CCDC112: variants seen among roughly 807,000 people sequenced by gnomAD.
CCDC112 encodes coiled-coil domain-containing protein 112.
A neutral mutation model predicts 66.3 loss-of-function variants in CCDC112; 40 were observed. The ratio of observed to expected loss-of-function variants is 0.60; its 90% confidence interval spans 0.47 to 0.79. CCDC112 has a LOEUF of 0.79. Ranked by LOEUF, CCDC112 falls within the 30% of genes least tolerant of loss-of-function variation. The pLI is 0.00. For missense variants in CCDC112, 659 were observed against 603.8 expected (o/e 1.09, Z -0.96); for synonymous variants, 214 against 197.2 (o/e 1.09, Z -0.71).
chr5:115,267,816 T>C lies in CCDC112; in HGVS notation c.*60A>G, dbSNP rs1240962330. 10 of 1,301,082 alleles carry C rather than the reference T, an allele frequency of 7.7e-6. No individual in the cohort carries two copies. The East Asian group carries it at 2.3e-4, about 30-fold the overall frequency. The allele number at this position is 1,301,082 out of a possible 1,614,324, so 80.6% of individuals were successfully genotyped here. A position where few individuals can be genotyped will look rare whatever the true frequency, so the allele number is the denominator to read the frequency against. ...ATTTAAAGAATGTGGTTAGTCACTCTCTCCCTGGTATAACTTAGTATGTTA... is the reference window on the plus strand; with the variant it reads ...ATTTAAAGAATGTGGTTAGTCACTCCCTCCCTGGTATAACTTAGTATGTTA... On this transcript the variant is annotated 3_prime_UTR_variant, in exon 10 of 10. Transcript: ENST00000379611.
chr5:115,287,991 T>A (rs544868913), intron 1 of CCDC112, among the ~76,000 whole-genome samples: 3 of 151,786 alleles, frequency 2.0e-5, no homozygotes, highest in African/African-American at 7.3e-5. Flanking sequence ...CCTTTTTTTT[T>A]CCCCCCGAGA....
chr5:115,281,803 A>G (rs1401783591), intron 2 of CCDC112, among the ~76,000 whole-genome samples: 1 of 152,252 alleles, frequency 6.6e-6, no homozygotes, highest in Non-Finnish European at 1.5e-5. Context: ...AATTAAAACT[A>G]TATCACAGTA....
intron 1 of CCDC112, among the ~76,000 whole-genome samples, chr5:115,290,441 T>C (rs1749873871): frequency 6.6e-6 from 1 of 152,236 alleles, no homozygotes; most frequent in Non-Finnish European, 1.5e-5. Context: ...TTTTTCAAGA[T>C]TGTTTTGGCT....
At chr5:115,292,349 C>CT (rs1273500588) in intron 1 of CCDC112, among the ~76,000 whole-genome samples, 12 of 150,060 alleles carry the variant, frequency 8.0e-5, no homozygotes, top group African/African-American at 2.9e-4. Flanking sequence ...CTACTTGATT[C>CT]TTTTTTAAAT....
intron 1 of CCDC112, among the ~76,000 whole-genome samples, chr5:115,295,282 C>T (rs1222032278): frequency 3.9e-5 from 6 of 152,168 alleles, no homozygotes; most frequent in Non-Finnish European, 4.4e-5. Flanking sequence ...GAAGACAGAA[C>T]ATTGCTACAA....
intron 1 of CCDC112, chr5:115,296,164 C>A (rs1750147088): frequency 2.4e-6 from 3 of 1,241,164 alleles, no homozygotes; most frequent in Non-Finnish European, 3.0e-6. Context: ...TCGCCGACAG[C>A]ATATGTTCTT....
intron 6 of CCDC112, among the ~76,000 whole-genome samples, chr5:115,273,849 T>C (rs1291834726): frequency 1.3e-5 from 2 of 152,184 alleles, no homozygotes; most frequent in Non-Finnish European, 2.9e-5. Context: ...GTTTTCAGCA[T>C]TCTGGGGAAA....
chr5:115,279,968 C>T lies in CCDC112; in HGVS notation c.240-200G>A, dbSNP rs1256160292. ...TAGAAGAGTTAATTTCAATCAAACA[C>T]AACTATAATTTGAACTGCTATGTAA... On this transcript the variant is annotated intron_variant, in intron 2 of 9. Coordinates refer to ENST00000379611, the MANE Select transcript of CCDC112 (RefSeq NM_001040440.3). 2.0e-5 allele frequency among the ~76,000 whole-genome samples: 3 copies of T among 152,184 alleles called. 1 individual carries two copies. The highest frequency in any genetic ancestry group is 6.8e-3 in the Middle Eastern group (2 of 294).
Position 115,271,299 on chromosome 5 carries a change from T to C in CCDC112, c.1246A>G (p.Arg416Gly). The C allele has an allele frequency of 4.3e-6, 7 of 1,611,750 alleles. No individual in the cohort carries two copies. The highest frequency in any genetic ancestry group is 5.9e-6 in the Non-Finnish European group (7 of 1,179,576). The stretch of plus-strand genomic sequence containing the variant: ...TTTTCCCTTATCTCCTTTTCAAGCC[T>C]CAAAAATTCTTCCTGTTCTTTCTTC... ...QQKKEQEEFL[R>G]LEKEIREKAE... Residue 416 changes from arginine (R) to glycine (G), a missense_variant, in exon 7 of 10, where the codon AGG becomes GGG. Coordinates refer to ENST00000379611, the MANE Select transcript of CCDC112 (RefSeq NM_001040440.3).
chr5:115,287,058 A>G (rs1320170518), intron 1 of CCDC112, among the ~76,000 whole-genome samples: 1 of 152,148 alleles, frequency 6.6e-6, no homozygotes, highest in Non-Finnish European at 1.5e-5. Context: ...CTTTCTTGAT[A>G]ATGCCTTCGA....
At chr5:115,279,120 C>T (rs1749332478) in intron 3 of CCDC112, among the ~76,000 whole-genome samples, 1 of 152,130 alleles carries the variant, frequency 6.6e-6, no homozygotes, top group South Asian at 2.1e-4. Flanking sequence ...TATATTATCT[C>T]ATCAGATGCA....
intron 7 of CCDC112, 109 bp downstream of exon 7, chr5:115,271,104 G>C: frequency 1.0e-6 from 1 of 957,088 alleles, no homozygotes; most frequent in Non-Finnish European, 1.6e-6. Flanking sequence ...GTATACTAAT[G>C]CTATACACAG....
chr5:115,279,730 TA>T lies in CCDC112; in HGVS notation c.277del (p.Tyr93ThrfsTer14). ...AATTCTGAAGTCACTTTTTTGGTTG[TA>T]GAAATGACTGTGTTTATCTTTTTCC... ...NMEKDKHSHF[Y>X]NQKSDFRIEH... On this transcript the variant is annotated frameshift_variant, in exon 3 of 10. Transcript: ENST00000379611. LOFTEE classifies it high-confidence loss of function. 2 of 1,559,534 alleles carry T rather than the reference TA, an allele frequency of 1.3e-6. No individual in the cohort carries two copies. The highest frequency in any genetic ancestry group is 1.8e-6 in the Non-Finnish European group (2 of 1,131,448).
chr5:115,291,116 G>T (rs1045174045), intron 1 of CCDC112, among the ~76,000 whole-genome samples: 1 of 152,032 alleles, frequency 6.6e-6, no homozygotes, highest in African/African-American at 2.4e-5. Flanking sequence ...ACTTAATGAT[G>T]CCTCTATCAG....
At position 115,267,427 on chromosome 5, in the gene CCDC112, A is replaced by G. The variant is rs934874331; in HGVS notation, c.*449T>C. ...AAACTGCCAATTTGTTAAACATAGA[A>G]AAAGTACTAACATTTCGTAACTCTA... On this transcript the variant is annotated 3_prime_UTR_variant, in exon 10 of 10. Coordinates refer to ENST00000379611, the MANE Select transcript of CCDC112 (RefSeq NM_001040440.3). The G allele has an allele frequency of 2.5e-5, 4 of 157,370 alleles. No individual in the cohort carries two copies. In the South Asian group the frequency reaches 7.7e-4, roughly 30 times the overall value. The allele number at this position is 157,370 out of a possible 1,614,324, so 9.7% of individuals were successfully genotyped here. A position where few individuals can be genotyped will look rare whatever the true frequency, so the allele number is the denominator to read the frequency against.
chr5:115,267,633 A>C lies in CCDC112; in HGVS notation c.*243T>G. On this transcript the variant is annotated 3_prime_UTR_variant, in exon 10 of 10. Coordinates refer to ENST00000379611, the MANE Select transcript of CCDC112 (RefSeq NM_001040440.3). ...ATTTAAATTGAATAATGTTTCTAAC[A>C]TTAACTTATTTAAATAACTTTTACA... 2.4e-6 allele frequency: 1 copy of C among 418,354 alleles called. No homozygotes were observed. The highest frequency in any genetic ancestry group is 4.2e-6 in the Non-Finnish European group (1 of 236,120). The allele number at this position is 418,354 out of a possible 1,614,324, so 25.9% of individuals were successfully genotyped here. A position where few individuals can be genotyped will look rare whatever the true frequency, so the allele number is the denominator to read the frequency against.
chr5:115,273,779 C>T (rs1223370884), intron 6 of CCDC112, among the ~76,000 whole-genome samples: 1 of 152,148 alleles, frequency 6.6e-6, no homozygotes, highest in Non-Finnish European at 1.5e-5. Flanking sequence ...CCGCTAAGTT[C>T]TAATAAGGTC....
chr5:115,279,706 A>C lies in CCDC112; in HGVS notation c.302T>G (p.Ile101Ser). ...HFYNQKSDFR[I>S]EHSMLEELEN... ...CAATTCTTCTAGCATACTATGCTCAATTCTGAAGTCACTTTTTTGGTTGTA... is the reference window on the plus strand; with the variant it reads ...CAATTCTTCTAGCATACTATGCTCACTTCTGAAGTCACTTTTTTGGTTGTA... Residue 101 changes from isoleucine to serine, a missense_variant, in exon 3 of 10, where the codon ATT becomes AGT. Coordinates refer to ENST00000379611, the MANE Select transcript of CCDC112 (RefSeq NM_001040440.3). 1 of 1,604,752 alleles carries C rather than the reference A, an allele frequency of 6.2e-7. No individual in the cohort carries two copies. The highest frequency in any genetic ancestry group is 8.5e-7 in the Non-Finnish European group (1 of 1,172,322).
chr5:115,279,938 A>G (rs1328163052), intron 2 of CCDC112, among the ~76,000 whole-genome samples, 170 bp from the exon 3 acceptor site: 1 of 152,250 alleles, frequency 6.6e-6, no homozygotes, highest in Non-Finnish European at 1.5e-5. Context: ...AGTCAAAATA[A>G]TAGCTAGAAG....
Sources: gnomAD v4.1 joint callset for allele counts (sites outside exome capture counted in the v4.1 genomes callset) on GRCh38, gnomAD v4.1.1 for gene constraint, MANE v1.5 for transcripts, NCBI Gene and HGNC (gene_info 2026-07-23, HGNC 2026-07-21) for gene names.